The following SLC16A1 variants were observed in gnomAD, a reference collection of about 807,000 sequenced individuals.
SLC16A1 encodes solute carrier family 16 member 1.
SLC16A1 carries 11 observed loss-of-function variants against 32.2 expected under a neutral mutation model. The ratio of observed to expected loss-of-function variants is 0.34; its 90% CI spans 0.21 to 0.56. SLC16A1 has a LOEUF of 0.56. Ranked by LOEUF, SLC16A1 falls within the 20% of genes least tolerant of loss-of-function variation. The pLI is 0.87. For synonymous variants in SLC16A1, 231 were observed against 226.8 expected, an observed-to-expected ratio of 1.02 and a Z score of -0.17; for missense variants, 435 against 615.0, an observed-to-expected ratio of 0.71 and a Z score of 3.10.
At chr1:112,916,814 C>G (rs1344238083) in intron 4 of SLC16A1, among the ~76,000 whole-genome samples, 4 of 151,676 alleles carry the variant, frequency 2.6e-5, no homozygotes, top group Non-Finnish European at 5.9e-5. Context: ...TCTGTAATCC[C>G]AGCTACCGGG....
At chr1:112,944,766 C>T (rs753010714) in intron 1 of SLC16A1, among the ~76,000 whole-genome samples, 10 of 152,112 alleles carry the variant, frequency 6.6e-5, no homozygotes, top group Admixed American at 2.6e-4. Context: ...AGTCTTGGCT[C>T]ACTGCAACCC....
intron 1 of SLC16A1, among the ~76,000 whole-genome samples, chr1:112,933,329 G>A (rs1261984293): frequency 6.6e-6 from 1 of 151,996 alleles, no homozygotes; most frequent in Non-Finnish European, 1.5e-5. Context: ...GCGTGTGCCT[G>A]TAGTCCCAGC....
chr1:112,923,011 T>C (rs925628649), intron 2 of SLC16A1, among the ~76,000 whole-genome samples: 4 of 151,900 alleles, frequency 2.6e-5, no homozygotes, highest in South Asian at 2.1e-4. Flanking sequence ...CCCGGGTTCA[T>C]GCCATTCTCT....
chr1:112,927,257 CT>C (rs1219842871), intron 2 of SLC16A1, among the ~76,000 whole-genome samples: 5 of 151,616 alleles, frequency 3.3e-5, no homozygotes, highest in African/African-American at 1.2e-4. Flanking sequence ...TAAGGTGACC[CT>C]TGTGGAACTG....
chr1:112,937,331 C>T (rs2101641423), intron 1 of SLC16A1, among the ~76,000 whole-genome samples: 1 of 152,174 alleles, frequency 6.6e-6, no homozygotes, highest in South Asian at 2.1e-4. Flanking sequence ...ATACCTTATT[C>T]CACAGTGCCA....
chr1:112,935,761 ACT>A (rs1649279983), intron 1 of SLC16A1: 1 of 152,184 alleles, frequency 6.6e-6, no homozygotes. Flanking sequence ...AATACAGATG[ACT>A]CAGCTAACAA....
chr1:112,918,118 A>G, intron 3 of SLC16A1, 74 bp from the exon 4 acceptor site: 1 of 1,084,540 alleles, frequency 9.2e-7, no homozygotes, highest in Non-Finnish European at 1.2e-6. Context: ...AGGTATAAAT[A>G]ATGGAAGGAA....
At chr1:112,928,721 T>C (rs1005847652) in intron 2 of SLC16A1, among the ~76,000 whole-genome samples, 3 of 152,140 alleles carry the variant, frequency 2.0e-5, no homozygotes. Context: ...ATTTTAATCC[T>C]CCCAACATCA....
intron 1 of SLC16A1, among the ~76,000 whole-genome samples, chr1:112,930,727 T>A (rs1649097640): frequency 6.7e-6 from 1 of 150,278 alleles, no homozygotes; most frequent in African/African-American, 2.4e-5. Context: ...ATTTTAGGTT[T>A]TTTTTTTTTT....
rs574812501 is a variant in SLC16A1 at position 112,917,018 on chromosome 1, C to G, written c.1228+160G>C. 110 of 879,160 alleles carry G rather than the reference C, an allele frequency of 1.3e-4. No individual in the cohort carries two copies. In the African/African-American group the frequency reaches 1.5e-3, roughly 12 times the overall value. The allele number at this position is 879,160 out of a possible 1,614,324, so 54.5% of individuals were successfully genotyped here. ...CATTTAATTAGATTCTATATTTGAGCAATTATGCTGTGCCAAGCATTGTCC... is the reference window on the plus strand; with the variant it reads ...CATTTAATTAGATTCTATATTTGAGGAATTATGCTGTGCCAAGCATTGTCC... On this transcript the variant is annotated intron_variant, in intron 4 of 4. Transcript: ENST00000369626. The surrounding 1 kb of genome is among the most constrained non-coding windows in gnomAD (Gnocchi z 4.1).
chr1:112,944,311 C>T (rs1185076643), intron 1 of SLC16A1, among the ~76,000 whole-genome samples: 1 of 152,072 alleles, frequency 6.6e-6, no homozygotes, highest in Non-Finnish European at 1.5e-5. Context: ...AATTAGACAG[C>T]AGTGGTGGCA....
chr1:112,930,752 T>A (rs1286033107), intron 1 of SLC16A1, among the ~76,000 whole-genome samples: 5 of 144,796 alleles, frequency 3.5e-5, no homozygotes, highest in African/African-American at 1.3e-4. Context: ...TGAGACAGAG[T>A]CTCACTCTGT....
At chr1:112,929,380 G>T in intron 1 of SLC16A1, 28 bp from the exon 2 acceptor site, 1 of 1,227,672 alleles carries the variant, frequency 8.1e-7, no homozygotes, top group Non-Finnish European at 1.2e-6. Flanking sequence ...AAAATAGTAT[G>T]TCAATATAAG....
chr1:112,923,588 AT>A, intron 2 of SLC16A1: 2 of 1,365,106 alleles, frequency 1.5e-6, no homozygotes, highest in Non-Finnish European at 2.1e-6. Context: ...AGGCCAATCC[AT>A]TGTTTGGGAA....
At position 112,917,788 on chromosome 1, in the gene SLC16A1, C is replaced by T; in HGVS notation, c.618G>A (p.Gly206=). The change falls in exon 4 of 5, where the codon GGG becomes GGA. Residue 206 remains glycine, a synonymous_variant. Transcript: ENST00000369626. This position sits in a 1 kb window ranked among gnomAD's most constrained non-coding sequence, Gnocchi z 4.1. ...RPIGPKPTKA[G]KDKSKASLEK... ...CAAGGGATGCTTTAGACTTATCTTT[C>T]CCTGCCTTGGTTGGCTTGGGCCCGA... 6.2e-7 allele frequency: 1 copy of T among 1,614,210 alleles called. No homozygotes were observed. The highest frequency in any genetic ancestry group is 8.5e-7 in the Non-Finnish European group (1 of 1,180,046).
At position 112,917,817 on chromosome 1, in the gene SLC16A1, G is replaced by C. The variant is rs574990589; in HGVS notation, c.589C>G (p.Pro197Ala). 2 of 1,614,116 alleles carry C rather than the reference G, an allele frequency of 1.2e-6. No individual in the cohort carries two copies. Among genetic ancestry groups the C allele is most frequent in the Non-Finnish European group, 1.7e-6 (2 of 1,180,026 alleles). Residue 197 changes from proline to alanine, a missense_variant, in exon 4 of 5, where the codon CCA becomes GCA. This residue lies in a region of SLC16A1 where 324 missense variants were observed against 500.3 expected (regional missense o/e 0.65). Transcript: ENST00000369626. The surrounding 1 kb of genome is among the most constrained non-coding windows in gnomAD (Gnocchi z 4.1). Reference sequence around the variant, plus strand: ...GCCTTGGTTGGCTTGGGCCCGATTGGTCGCATGAGGGCTCCAGCAACACAG... The same window carrying C: ...GCCTTGGTTGGCTTGGGCCCGATTGCTCGCATGAGGGCTCCAGCAACACAG... ...NCCVAGALMR[P>A]IGPKPTKAGK...
intron 1 of SLC16A1, among the ~76,000 whole-genome samples, chr1:112,951,873 G>A (rs1329899319): frequency 6.6e-6 from 1 of 152,030 alleles, no homozygotes; most frequent in Non-Finnish European, 1.5e-5. Flanking sequence ...TATTCAAACT[G>A]TACCTCTCTT....
intron 2 of SLC16A1, among the ~76,000 whole-genome samples, chr1:112,925,559 T>G (rs1231984201): frequency 6.6e-6 from 1 of 151,454 alleles, no homozygotes; most frequent in African/African-American, 2.4e-5. Flanking sequence ...TTGTATTTTT[T>G]GTAGAGACAG....
chr1:112,939,267 T>A (rs1220181813), intron 1 of SLC16A1, among the ~76,000 whole-genome samples: 1 of 152,232 alleles, frequency 6.6e-6, no homozygotes, highest in East Asian at 1.9e-4. Context: ...GAAACCCATG[T>A]ACACTGTTGG....
Sources: gnomAD v4.1 joint callset for allele counts (sites outside exome capture counted in the v4.1 genomes callset) on GRCh38, gnomAD v4.1.1 for gene constraint, gnomAD v4.1.1 regional missense constraint, Gnocchi (gnomAD v3.1) non-coding constraint, MANE v1.5 for transcripts, NCBI Gene and HGNC (gene_info 2026-07-23, HGNC 2026-07-21) for gene names.